SLC38A12: variants seen among roughly 807,000 people sequenced by gnomAD.
SLC38A12 encodes solute carrier family 38 member 12.
chr17:74,832,057 G>A, the SLC38A12 span, among the ~76,000 whole-genome samples: 1 of 147,226 alleles, frequency 6.8e-6, no homozygotes, highest in African/African-American at 2.5e-5. Context: ...AGCCAGGGGA[G>A]GCAGGGAGGG....
At chr17:74,818,866 A>G in the SLC38A12 span, among the ~76,000 whole-genome samples, 5 of 152,188 alleles carry the variant, frequency 3.3e-5, no homozygotes, top group African/African-American at 1.2e-4. Flanking sequence ...CCAATTTGGC[A>G]TGGAAATCCT....
the SLC38A12 span, among the ~76,000 whole-genome samples, chr17:74,809,951 C>T: frequency 7.2e-5 from 11 of 152,248 alleles, no homozygotes; most frequent in African/African-American, 2.2e-4. Flanking sequence ...GGCGAAGGGA[C>T]GGGTCTTTCC....
the SLC38A12 span, among the ~76,000 whole-genome samples, chr17:74,782,013 A>G: frequency 6.6e-6 from 1 of 152,010 alleles, no homozygotes; most frequent in African/African-American, 2.4e-5. Flanking sequence ...TGGGGTATCC[A>G]CTGTTTCCAA....
chr17:74,790,423 G>C, the SLC38A12 span: 1 of 842,360 alleles, frequency 1.2e-6, no homozygotes, highest in Non-Finnish European at 2.0e-6. Context: ...TTCTGAGGCA[G>C]GCCCTGTGGT....
At chr17:74,813,749 C>T in the SLC38A12 span, among the ~76,000 whole-genome samples, 4 of 152,126 alleles carry the variant, frequency 2.6e-5, no homozygotes, top group Non-Finnish European at 5.9e-5. Flanking sequence ...GATCTGCCCG[C>T]CTTGGCCTCC....
At chr17:74,817,433 G>A in the SLC38A12 span, among the ~76,000 whole-genome samples, 1 of 152,308 alleles carries the variant, frequency 6.6e-6, no homozygotes, top group Non-Finnish European at 1.5e-5. Flanking sequence ...CCCATGCTGA[G>A]TACAGACCTG....
At chr17:74,794,651 C>T in the SLC38A12 span, among the ~76,000 whole-genome samples, 1 of 152,118 alleles carries the variant, frequency 6.6e-6, no homozygotes, top group African/African-American at 2.4e-5. Context: ...CCCAGACGCA[C>T]CTGGGGTTCA....
At chr17:74,789,944 T>TC in the SLC38A12 span, among the ~76,000 whole-genome samples, 1 of 108,242 alleles carries the variant, frequency 9.2e-6, no homozygotes, top group East Asian at 2.7e-4. Context: ...CTCTTTCTTT[T>TC]TTGTTTTTTT....
chr17:74,824,456 C>G, the SLC38A12 span, among the ~76,000 whole-genome samples: 1 of 152,318 alleles, frequency 6.6e-6, no homozygotes, highest in Non-Finnish European at 1.5e-5. Flanking sequence ...CTGCCCCTGC[C>G]CCGCCGCAGG....
At chr17:74,808,028 A>G in the SLC38A12 span, among the ~76,000 whole-genome samples, 1 of 152,232 alleles carries the variant, frequency 6.6e-6, no homozygotes, top group South Asian at 2.1e-4. Context: ...CACAATATTT[A>G]TCTTCCCCTT....
chr17:74,791,809 A>G, the SLC38A12 span, among the ~76,000 whole-genome samples: 4 of 152,246 alleles, frequency 2.6e-5, no homozygotes, highest in African/African-American at 2.4e-5. Context: ...GCGACATCTT[A>G]TATCTCCATG....
chr17:74,829,351 T>C, the SLC38A12 span, among the ~76,000 whole-genome samples: 1 of 152,244 alleles, frequency 6.6e-6, no homozygotes, highest in African/African-American at 2.4e-5. This position sits in a 1 kb window ranked among gnomAD's most constrained non-coding sequence, Gnocchi z 4.1. Context: ...CTCAAACTCC[T>C]GGGCTCAAGT....
the SLC38A12 span, among the ~76,000 whole-genome samples, chr17:74,823,930 G>C: frequency 1.3e-5 from 2 of 152,270 alleles, no homozygotes; most frequent in African/African-American, 4.8e-5. Flanking sequence ...GCCTTGAATG[G>C]GGCCGTGTTG....
the SLC38A12 span, among the ~76,000 whole-genome samples, chr17:74,818,177 G>A: frequency 6.6e-6 from 1 of 152,140 alleles, no homozygotes; most frequent in Admixed American, 6.5e-5. Flanking sequence ...TCCTCTCCCT[G>A]GGCTGAGGGG....
chr17:74,791,021 A>G, the SLC38A12 span: 1 of 1,612,902 alleles, frequency 6.2e-7, no homozygotes, highest in Non-Finnish European at 8.5e-7. Flanking sequence ...AATGGCCTCC[A>G]TGTTCTTCAA....
the SLC38A12 span, among the ~76,000 whole-genome samples, chr17:74,829,073 G>A: frequency 6.6e-6 from 1 of 152,074 alleles, no homozygotes; most frequent in South Asian, 2.1e-4. This position sits in a 1 kb window ranked among gnomAD's most constrained non-coding sequence, Gnocchi z 4.1. Context: ...CTTTCAACAT[G>A]TAATGAAAAA....
At chr17:74,838,069 C>T in the SLC38A12 span, 1 of 985,790 alleles carries the variant, frequency 1.0e-6, no homozygotes, top group African/African-American at 1.7e-5. Flanking sequence ...CCAAGGTGGT[C>T]TCAGGGTCAG....
the SLC38A12 span, chr17:74,790,343 G>T: frequency 6.4e-7 from 1 of 1,559,474 alleles, no homozygotes. Flanking sequence ...CCGGGCCACA[G>T]GGTTCCCTTT....
chr17:74,794,116 C>T, the SLC38A12 span, among the ~76,000 whole-genome samples: 1 of 152,232 alleles, frequency 6.6e-6, no homozygotes, highest in Non-Finnish European at 1.5e-5. Context: ...GGTCATAGGG[C>T]CCTGCCACTC....
Sources: allele counts gnomAD v4.1 joint callset (sites outside exome capture counted in the v4.1 genomes callset), GRCh38; gene constraint gnomAD v4.1.1; non-coding constraint Gnocchi (gnomAD v3.1); transcripts MANE v1.5; gene names NCBI Gene and HGNC (gene_info 2026-07-23, HGNC 2026-07-21).